RNF11: variants seen among roughly 807,000 people sequenced by gnomAD.
RNF11 encodes the protein ring finger protein 11.
A neutral mutation model predicts 15.8 loss-of-function variants in RNF11; 4 were observed. That is an observed-to-expected ratio of 0.25 (90% CI 0.12 to 0.58). The LOEUF is 0.58. RNF11 is among the 20% of genes least tolerant of loss of function. The pLI is 0.91. For missense variants in RNF11, 139 were observed against 194.4 expected (o/e 0.71, Z 1.70); for synonymous variants, 68 against 72.3 (o/e 0.94, Z 0.30).
chr1:51,236,616 C>T lies in RNF11; in HGVS notation c.-141C>T, dbSNP rs923002264. 137 of 1,148,070 alleles carry T rather than the reference C, an allele frequency of 1.2e-4. 1 individual carries two copies. In the East Asian group the frequency reaches 3.6e-3, roughly 30 times the overall value. The allele number at this position is 1,148,070 out of a possible 1,614,324, so 71.1% of individuals were successfully genotyped here. ...GGCATGAGCGGCCCCTCGGCGGCAC[C>T]GTGGGGCGGTGGAGTCGCCTCCGCC... On this transcript the variant is annotated 5_prime_UTR_variant, in exon 1 of 3. Coordinates refer to ENST00000242719, the MANE Select transcript of RNF11 (RefSeq NM_014372.5).
At chr1:51,262,005 C>A (rs1646932662) in intron 1 of RNF11, among the ~76,000 whole-genome samples, 1 of 152,194 alleles carries the variant, frequency 6.6e-6, no homozygotes, top group Admixed American at 6.5e-5. Context: ...CAGGCACATA[C>A]CACCACCCCC....
rs1409204809 is a variant in RNF11 at position 51,254,153 on chromosome 1, T to G, written c.124-15803T>G. On this transcript the variant is annotated intron_variant, in intron 1 of 2. Transcript: ENST00000242719. ...ATATTGGGGGGTTCCCCCTAAAACT[T>G]TAACCCCCTTTGTGTTGGCACATTC... Among the ~76,000 whole-genome samples the G allele has an allele frequency of 6.6e-5, 10 of 152,362 alleles. No homozygotes were observed. In the East Asian group the frequency reaches 1.7e-3, roughly 26 times the overall value.
intron 1 of RNF11, among the ~76,000 whole-genome samples, chr1:51,263,297 G>A (rs1015572440): frequency 1.3e-5 from 2 of 152,076 alleles, no homozygotes; most frequent in Admixed American, 6.5e-5. Flanking sequence ...AAATGGTGGT[G>A]GACTATTCAG....
intron 1 of RNF11, chr1:51,250,639 A>C (rs914879523): frequency 3.9e-6 from 3 of 773,312 alleles, no homozygotes; most frequent in Non-Finnish European, 6.6e-6. Context: ...CGCTGCACGG[A>C]GACTCTGGCG....
At chr1:51,246,500 T>C (rs1415682576) in intron 1 of RNF11, among the ~76,000 whole-genome samples, 2 of 150,280 alleles carry the variant, frequency 1.3e-5, no homozygotes, top group East Asian at 4.0e-4. Flanking sequence ...AGCTCAGGAG[T>C]TGGAAGGTAT....
chr1:51,254,501 C>T (rs1646895491), intron 1 of RNF11, among the ~76,000 whole-genome samples: 2 of 151,914 alleles, frequency 1.3e-5, no homozygotes, highest in Admixed American at 1.3e-4. Context: ...GCTCTGTCAC[C>T]CAGGTTGGAG....
chr1:51,272,717 G>C lies in RNF11; in HGVS notation c.*1395G>C, dbSNP rs1646985345. Reference sequence around the variant, plus strand: ...ATTGGTTCACCTCAGTGATATTACAGCTAAAAAAATCATTCATTAGCAAAA... The same window carrying C: ...ATTGGTTCACCTCAGTGATATTACACCTAAAAAAATCATTCATTAGCAAAA... On this transcript the variant is annotated 3_prime_UTR_variant, in exon 3 of 3. Coordinates refer to ENST00000242719, the MANE Select transcript of RNF11 (RefSeq NM_014372.5). 1 of 152,060 alleles carries C rather than the reference G, an allele frequency of 6.6e-6. No individual in the cohort carries two copies. 9.4% of individuals were successfully genotyped at this position (152,060 alleles called of 1,614,324 possible). A position where few individuals can be genotyped will look rare whatever the true frequency, so the allele number is the denominator to read the frequency against.
chr1:51,258,608 C>T (rs1255812447), intron 1 of RNF11, among the ~76,000 whole-genome samples: 1 of 152,176 alleles, frequency 6.6e-6, no homozygotes, highest in Non-Finnish European at 1.5e-5. Context: ...CAACATATGG[C>T]ACATAAATTA....
intron 1 of RNF11, among the ~76,000 whole-genome samples, chr1:51,238,582 C>T (rs1646815611): frequency 6.6e-6 from 1 of 152,082 alleles, no homozygotes; most frequent in Admixed American, 6.6e-5. Flanking sequence ...ATATTTTTTC[C>T]AAAGTAAGTT....
At chr1:51,256,921 G>A (rs903543819) in intron 1 of RNF11, among the ~76,000 whole-genome samples, 6 of 152,098 alleles carry the variant, frequency 3.9e-5, no homozygotes, top group African/African-American at 1.2e-4. Flanking sequence ...TGATCCTCCC[G>A]CCTTGGCTTT....
At chr1:51,243,844 T>G (rs1030651991) in intron 1 of RNF11, among the ~76,000 whole-genome samples, 1 of 152,228 alleles carries the variant, frequency 6.6e-6, no homozygotes, top group African/African-American at 2.4e-5. Context: ...AGCCTTGTGC[T>G]TTCTTTTATA....
intron 1 of RNF11, among the ~76,000 whole-genome samples, chr1:51,247,160 T>G (rs1646855888): frequency 6.6e-6 from 1 of 151,994 alleles, no homozygotes; most frequent in Admixed American, 6.6e-5. Context: ...AGTGGAAATG[T>G]GAGTGAAAGA....
chr1:51,273,040 A>G lies in RNF11; in HGVS notation c.*1718A>G, dbSNP rs1304308849. On this transcript the variant is annotated 3_prime_UTR_variant, in exon 3 of 3. Coordinates refer to ENST00000242719, the MANE Select transcript of RNF11 (RefSeq NM_014372.5). ...CAGGTTCTGTTAAATTGTTACATGTATCTTGCTTAAATTTCTGTTTATTAA... is the reference window on the plus strand; with the variant it reads ...CAGGTTCTGTTAAATTGTTACATGTGTCTTGCTTAAATTTCTGTTTATTAA... 6.6e-6 allele frequency: 1 copy of G among 152,184 alleles called. No homozygotes were observed. Among genetic ancestry groups the G allele is most frequent in the Non-Finnish European group, 1.5e-5 (1 of 68,002 alleles). 9.4% of individuals were successfully genotyped at this position (152,184 alleles called of 1,614,324 possible). A position where few individuals can be genotyped will look rare whatever the true frequency, so the allele number is the denominator to read the frequency against.
chr1:51,253,757 A>G (rs1488101210), intron 1 of RNF11, among the ~76,000 whole-genome samples: 1 of 152,164 alleles, frequency 6.6e-6, no homozygotes, highest in East Asian at 1.9e-4. Flanking sequence ...TGCTTTCTTG[A>G]TATTTTAAAT....
chr1:51,253,118 C>T (rs1264047005), intron 1 of RNF11, among the ~76,000 whole-genome samples: 1 of 152,040 alleles, frequency 6.6e-6, no homozygotes, highest in Non-Finnish European at 1.5e-5. Context: ...ATCCACCACG[C>T]CCGACGTTGT....
At chr1:51,269,761 A>G (rs1646970138) in intron 1 of RNF11, among the ~76,000 whole-genome samples, 195 bp from the exon 2 acceptor site, 1 of 152,148 alleles carries the variant, frequency 6.6e-6, no homozygotes, top group East Asian at 1.9e-4. Context: ...AGGCAGAATG[A>G]GAATGTTTTG....
chr1:51,266,498 T>C lies in RNF11; in HGVS notation c.124-3458T>C, dbSNP rs183868116. ...TTTTCTTTTTTCTTTTTCTTTCACT[T>C]TGTCACCCAGTCTGGAGTGTAGTGG... On this transcript the variant is annotated intron_variant, in intron 1 of 2. Transcript: ENST00000242719. Among the ~76,000 whole-genome samples, 18 of 152,272 alleles carry C rather than the reference T, an allele frequency of 1.2e-4. 1 individual carries two copies. The highest frequency in any genetic ancestry group is 5.2e-4 in the Admixed American group (8 of 15,280).
chr1:51,260,835 G>T (rs1646927758), intron 1 of RNF11, among the ~76,000 whole-genome samples: 1 of 152,182 alleles, frequency 6.6e-6, no homozygotes, highest in South Asian at 2.1e-4. Context: ...AGATCCCAGA[G>T]GCAGTGGCAG....
At chr1:51,242,997 G>A (rs1407299709) in intron 1 of RNF11, among the ~76,000 whole-genome samples, 1 of 152,098 alleles carries the variant, frequency 6.6e-6, no homozygotes, top group Non-Finnish European at 1.5e-5. Context: ...TTATTGAGGG[G>A]CAGATCAACT....
Sources: gnomAD v4.1 joint callset for allele counts (sites outside exome capture counted in the v4.1 genomes callset) on GRCh38, gnomAD v4.1.1 for gene constraint, MANE v1.5 for transcripts, NCBI Gene and HGNC (gene_info 2026-07-23, HGNC 2026-07-21) for gene names.